Variants in GABRG2 observed in about 807,000 individuals in gnomAD.
GABRG2 encodes the protein gamma-aminobutyric acid type A receptor subunit gamma2.
GABRG2 carries 16 observed loss-of-function variants against 56.4 expected under a neutral mutation model. The ratio of observed to expected loss-of-function variants is 0.28; its 90% CI spans 0.19 to 0.43. The LOEUF (loss-of-function observed/expected upper bound fraction) is 0.43. Among genes scored for constraint, GABRG2 ranks in the 20% least tolerant of loss-of-function variants. The pLI is 1.00. For synonymous variants in GABRG2, 208 were observed against 205.5 expected (o/e 1.01, Z -0.10); for missense variants, 327 against 582.7 (o/e 0.56, Z 4.52).
rs1765596052 is a variant in GABRG2 at position 162,154,693 on chromosome 5, G to A, written c.*1325G>A. The A allele has an allele frequency of 1.3e-5, 2 of 151,940 alleles. No individual in the cohort carries two copies. Among genetic ancestry groups the A allele is most frequent in the Admixed American group, 6.6e-5 (1 of 15,230 alleles). 9.4% of individuals were successfully genotyped at this position (151,940 alleles called of 1,614,324 possible). ...TTTGTGTATTATTTTTCCAGGTTTG[G>A]GGATGAGTCAGTCCTTGCCCATCCA... On this transcript the variant is annotated 3_prime_UTR_variant, in exon 10 of 10. Transcript: ENST00000639213.
At chr5:162,088,333 C>A (rs1032427147) in intron 1 of GABRG2, among the ~76,000 whole-genome samples, 13 of 152,174 alleles carry the variant, frequency 8.5e-5, no homozygotes, top group African/African-American at 2.9e-4. Context: ...CAAAGCCCAC[C>A]TTTTGCAGTG....
chr5:162,120,696 T>C lies in GABRG2; in HGVS notation c.769+16670T>C, dbSNP rs151076752. 5.1e-3 allele frequency among the ~76,000 whole-genome samples: 781 copies of C among 152,214 alleles called. 4 individuals carry two copies. The highest frequency in any genetic ancestry group is 0.017 in the African/African-American group (707 of 41,538). On this transcript the variant is annotated intron_variant, in intron 6 of 9. Transcript: ENST00000639213. ...CATGCCTATAAATAGAAAATAAGTGTTCAATTTCTCTGACCATATAGGATC... is the reference window on the plus strand; with the variant it reads ...CATGCCTATAAATAGAAAATAAGTGCTCAATTTCTCTGACCATATAGGATC...
At chr5:162,119,458 T>C (rs1762839049) in intron 6 of GABRG2, among the ~76,000 whole-genome samples, 2 of 152,174 alleles carry the variant, frequency 1.3e-5, no homozygotes, top group African/African-American at 4.8e-5. Flanking sequence ...ATTTATAGTA[T>C]ATCATAATTC....
intron 6 of GABRG2, among the ~76,000 whole-genome samples, chr5:162,114,261 T>C (rs775294550): frequency 6.6e-6 from 1 of 152,164 alleles, no homozygotes; most frequent in Non-Finnish European, 1.5e-5. Context: ...TCCTATTTCC[T>C]ATTTTTGGAG....
chr5:162,092,298 C>T (rs1038332281), intron 1 of GABRG2, among the ~76,000 whole-genome samples: 1 of 152,126 alleles, frequency 6.6e-6, no homozygotes, highest in African/African-American at 2.4e-5. Flanking sequence ...CTCCTTTAAA[C>T]TTCCTATGCT....
At chr5:162,096,257 A>G (rs1438019319) in intron 3 of GABRG2, among the ~76,000 whole-genome samples, 6 of 152,074 alleles carry the variant, frequency 3.9e-5, no homozygotes, top group Non-Finnish European at 7.4e-5. Flanking sequence ...TTAGTCATTA[A>G]ACAAATTCTA....
chr5:162,090,910 G>GT (rs1760524322), intron 1 of GABRG2, among the ~76,000 whole-genome samples: 1 of 152,056 alleles, frequency 6.6e-6, no homozygotes, highest in African/African-American at 2.4e-5. Flanking sequence ...TCATCTAATG[G>GT]TAAGACTTCA....
intron 1 of GABRG2, among the ~76,000 whole-genome samples, chr5:162,069,809 C>G (rs1758526362): frequency 6.6e-6 from 1 of 152,044 alleles, no homozygotes; most frequent in Non-Finnish European, 1.5e-5. Flanking sequence ...CATTTTTATA[C>G]TTAAGGTTGT....
In GABRG2 at chr5:162,090,760, C is replaced by G. The variant is rs146645644; in HGVS notation, c.108-3068C>G. On this transcript the variant is annotated intron_variant, in intron 1 of 9. Transcript: ENST00000639213. The stretch of plus-strand genomic sequence containing the variant: ...GGAGTAATAACTTCTAAAGGCCATT[C>G]CATGTAGATAGGTACCTTTAGCCAG... Among the ~76,000 whole-genome samples the G allele has an allele frequency of 4.8e-3, 727 of 152,200 alleles. 5 individuals are homozygous for G. The highest frequency in any genetic ancestry group is 0.017 in the African/African-American group (696 of 41,556).
intron 6 of GABRG2, among the ~76,000 whole-genome samples, chr5:162,124,958 ATGTGTGTGTGTG>A (rs55993809): frequency 1.3e-4 from 18 of 143,888 alleles, no homozygotes; most frequent in Admixed American, 9.9e-4. Context: ...GTATAAAGAG[ATGTGTGTGTGTG>A]TGTGTGTGTG....
intron 6 of GABRG2, among the ~76,000 whole-genome samples, chr5:162,124,694 C>T (rs1763204990): frequency 6.6e-6 from 1 of 151,686 alleles, no homozygotes; most frequent in Non-Finnish European, 1.5e-5. Flanking sequence ...TCCACCTAGG[C>T]CAGACTTGAA....
intron 4 of GABRG2, 110 bp downstream of exon 4, chr5:162,097,968 C>G: frequency 1.1e-6 from 1 of 949,072 alleles, no homozygotes; most frequent in Non-Finnish European, 1.6e-6. Context: ...AATTTCAAGA[C>G]TGCATCAGGG....
intron 1 of GABRG2, among the ~76,000 whole-genome samples, chr5:162,088,781 T>C (rs775809356): frequency 2.8e-4 from 43 of 152,132 alleles, no homozygotes; most frequent in South Asian, 8.3e-4. Flanking sequence ...TAACAGTGCT[T>C]CTTTATCTGT....
chr5:162,102,663 T>C, intron 5 of GABRG2: 1 of 450,724 alleles, frequency 2.2e-6, no homozygotes, highest in Non-Finnish European at 4.5e-6. Flanking sequence ...CCAGAGTAGC[T>C]GGGATTTCAG....
intron 1 of GABRG2, among the ~76,000 whole-genome samples, chr5:162,076,074 C>T (rs1581298067): frequency 6.6e-6 from 1 of 152,156 alleles, no homozygotes; most frequent in East Asian, 1.9e-4. Context: ...ATCACTTCAG[C>T]CCAGGAGTTC....
At chr5:162,104,908 A>C (rs1761689417) in intron 6 of GABRG2, among the ~76,000 whole-genome samples, 1 of 151,936 alleles carries the variant, frequency 6.6e-6, no homozygotes, top group Admixed American at 6.6e-5. Context: ...GCCAGTTTGA[A>C]CTCTCAGCAA....
chr5:162,092,279 A>T (rs1760661506), intron 1 of GABRG2, among the ~76,000 whole-genome samples: 1 of 152,148 alleles, frequency 6.6e-6, no homozygotes, highest in Admixed American at 6.6e-5. Flanking sequence ...GCACTCTGTG[A>T]AATTAATGCT....
At chr5:162,152,378 A>G (rs772841307) in intron 9 of GABRG2, 4 of 404,978 alleles carry the variant, frequency 9.9e-6, no homozygotes, top group Non-Finnish European at 2.0e-5. Flanking sequence ...AAATCATCCA[A>G]ATTAACATTA....
chr5:162,118,204 GGTGTGT>G (rs3079259), intron 6 of GABRG2, among the ~76,000 whole-genome samples: 131 of 146,154 alleles, frequency 9.0e-4, no homozygotes, highest in African/African-American at 2.2e-3. Context: ...AGGTTCTGAT[GGTGTGT>G]GTGTGTGTGT....
Sources: allele counts gnomAD v4.1 joint callset (sites outside exome capture counted in the v4.1 genomes callset), GRCh38; gene constraint gnomAD v4.1.1; transcripts MANE v1.5; gene names NCBI Gene and HGNC (gene_info 2026-07-23, HGNC 2026-07-21).